Variants in PACSIN3 observed in about 807,000 individuals in gnomAD.
PACSIN3 encodes protein kinase C and casein kinase substrate in neurons protein 3.
PACSIN3 carries 34 observed loss-of-function variants against 56.1 expected under a neutral mutation model. The ratio of observed to expected loss-of-function variants is 0.61; its 90% confidence interval spans 0.46 to 0.81. PACSIN3 has a LOEUF of 0.81. Among genes scored for constraint, PACSIN3 ranks in the 30% least tolerant of loss-of-function variants. PACSIN3 has a pLI of 0.00. For missense variants in PACSIN3, 535 were observed against 592.4 expected, an observed-to-expected ratio of 0.90 and a Z score of 1.01; for synonymous variants, 218 against 229.8, an observed-to-expected ratio of 0.95 and a Z score of 0.46.
rs933798405 is a variant in PACSIN3, at chr11:47,178,146, A to C, written c.1160-100T>G. On this transcript the variant is annotated intron_variant, in intron 10 of 10. Transcript: ENST00000298838. The surrounding 1 kb of genome is among the most constrained non-coding windows in gnomAD (Gnocchi z 4.2). ...GGGGGATGGTGTGGTCCCAGAGCCC[A>C]GCTAGCAAAGACATGGCTCAGGCAG... The C allele has an allele frequency of 5.7e-6, 7 of 1,230,546 alleles. No individual in the cohort carries two copies. Among genetic ancestry groups the C allele is most frequent in the Non-Finnish European group, 8.1e-6 (7 of 865,056 alleles). The allele number at this position is 1,230,546 out of a possible 1,614,324, so 76.2% of individuals were successfully genotyped here.
rs1456451988 is a variant in PACSIN3, at chr11:47,186,038, G to A, written c.-104+311C>T. On this transcript the variant is annotated intron_variant, in intron 1 of 10. Coordinates refer to ENST00000298838, the MANE Select transcript of PACSIN3 (RefSeq NM_016223.5). This position sits in a 1 kb window ranked among gnomAD's most constrained non-coding sequence, Gnocchi z 4.5. ...GATCGCCAGGGAGCGAGGACCCTCT[G>A]GGGCCTCGGGGCGGGCGCGAGGCGA... Among the ~76,000 whole-genome samples, 1 of 152,064 alleles carries A rather than the reference G, an allele frequency of 6.6e-6. No homozygotes were observed. Among genetic ancestry groups the A allele is most frequent in the Non-Finnish European group, 1.5e-5 (1 of 67,964 alleles).
chr11:47,178,396 G>A lies in PACSIN3; in HGVS notation c.1129C>T (p.Gln377Ter). Residue 377 changes from glutamine (Q) to a stop codon, truncating the protein, a stop_gained, in exon 10 of 11, where the codon CAG (glutamine) becomes TAG (stop). Transcript: ENST00000298838. LOFTEE classifies it high-confidence loss of function. This position sits in a 1 kb window ranked among gnomAD's most constrained non-coding sequence, Gnocchi z 4.2. Reference protein sequence around the residue: ...RVRALYDYAGQEADELSFRAG... With the variant: ...RVRALYDYAG ...CGGAAGCTCAGCTCATCAGCTTCCTGGCCAGCGTAGTCATAGAGTGCCCTC... is the reference window on the plus strand; with the variant it reads ...CGGAAGCTCAGCTCATCAGCTTCCTAGCCAGCGTAGTCATAGAGTGCCCTC... 1 of 1,614,050 alleles carries A rather than the reference G, an allele frequency of 6.2e-7. No individual in the cohort carries two copies. The highest frequency in any genetic ancestry group is 8.5e-7 in the Non-Finnish European group (1 of 1,180,002).
At position 47,181,546 on chromosome 11, in the gene PACSIN3, G is replaced by A. The variant is rs184888037; in HGVS notation, c.212-856C>T. Among the ~76,000 whole-genome samples, 14 of 152,258 alleles carry A rather than the reference G, an allele frequency of 9.2e-5. No homozygotes were observed. In the Middle Eastern group the frequency reaches 0.014, roughly 148 times the overall value. On this transcript the variant is annotated intron_variant, in intron 4 of 10. Coordinates refer to ENST00000298838, the MANE Select transcript of PACSIN3 (RefSeq NM_016223.5). ...GTGGCTCATGCCTGTAATCCAGGCC[G>A]GGCACGGTGGCTCACGCCTGTAATC... is the stretch of plus-strand genomic sequence containing the variant.
At chr11:47,181,702 T>C (rs1004245000) in intron 4 of PACSIN3, among the ~76,000 whole-genome samples, 1 of 152,204 alleles carries the variant, frequency 6.6e-6, no homozygotes, top group Non-Finnish European at 1.5e-5. Flanking sequence ...TCCATGCCTG[T>C]GATCCCAGCT....
rs987602803 is a variant in PACSIN3, at chr11:47,179,925, G to A, written c.603+261C>T. On this transcript the variant is annotated intron_variant, in intron 6 of 10. Coordinates refer to ENST00000298838, the MANE Select transcript of PACSIN3 (RefSeq NM_016223.5). This position sits in a 1 kb window ranked among gnomAD's most constrained non-coding sequence, Gnocchi z 4.4. Reference sequence around the variant, plus strand: ...CAGAGCTGCAGGAAAGGACACTTCGGGCAAAGGGTACTGTGCAAGGAAAAG... The same window carrying A: ...CAGAGCTGCAGGAAAGGACACTTCGAGCAAAGGGTACTGTGCAAGGAAAAG... Among the ~76,000 whole-genome samples the A allele has an allele frequency of 1.3e-5, 2 of 152,210 alleles. No homozygotes were observed. The highest frequency in any genetic ancestry group is 2.4e-5 in the African/African-American group (1 of 41,442).
At chr11:47,182,587 A>G (rs1953048812) in intron 3 of PACSIN3, 28 bp from the exon 4 acceptor site, 5 of 1,604,864 alleles carry the variant, frequency 3.1e-6, no homozygotes, top group Non-Finnish European at 4.3e-6. Context: ...GGGTGCCATC[A>G]CCAGGGAGAA....
At position 47,182,624 on chromosome 11, in the gene PACSIN3, A is replaced by C. The variant is rs2279438; in HGVS notation, c.54+50T>G. On this transcript the variant is annotated intron_variant, in intron 3 of 10. Transcript: ENST00000298838. ...CTTCCTTTGGGGCTGGGGCTGTCAG[A>C]TGGGCTCCTCCCCTAGACAAGTAGC... 5 of 1,603,102 alleles carry C rather than the reference A, an allele frequency of 3.1e-6. No homozygotes were observed. In the Admixed American group the frequency reaches 6.8e-5, roughly 22 times the overall value.
In PACSIN3 at chr11:47,180,149, C is replaced by T. The variant is rs367903811; in HGVS notation, c.603+37G>A. On this transcript the variant is annotated intron_variant, in intron 6 of 10. Transcript: ENST00000298838. ...CAAGATTCATTCAGGAAGCCGTGCC[C>T]TGGGCGGGGGCCAGGGCTGGGACCT... is the stretch of plus-strand genomic sequence containing the variant. The T allele has an allele frequency of 3.4e-4, 537 of 1,585,586 alleles. 1 individual carries two copies. The highest frequency in any genetic ancestry group is 4.5e-4 in the Non-Finnish European group (524 of 1,168,026).
chr11:47,184,904 A>C (rs1953091152), intron 1 of PACSIN3, among the ~76,000 whole-genome samples: 2 of 151,906 alleles, frequency 1.3e-5, no homozygotes, highest in Admixed American at 1.3e-4. Flanking sequence ...CCCAGAACAG[A>C]GCAAGCTGTG....
intron 1 of PACSIN3, among the ~76,000 whole-genome samples, chr11:47,184,101 A>C (rs1953078067): frequency 6.6e-6 from 1 of 151,256 alleles, no homozygotes; most frequent in African/African-American, 2.4e-5. Context: ...ACTCAAGGAC[A>C]CAGTGGCATG....
At position 47,179,819 on chromosome 11, in the gene PACSIN3, G is replaced by C. The variant is rs1952981435; in HGVS notation, c.604-233C>G. The C allele has an allele frequency of 3.5e-6, 2 of 572,408 alleles. No homozygotes were observed. The highest frequency in any genetic ancestry group is 3.2e-5 in the Admixed American group (1 of 31,606). 35.5% of individuals were successfully genotyped at this position (572,408 alleles called of 1,614,324 possible). A position where few individuals can be genotyped will look rare whatever the true frequency, so the allele number is the denominator to read the frequency against. ...GGATTGAAATGAGGTCAACCTACAG[G>C]AAAGGATGGGAGAAATCAGAAAAGG... is the stretch of plus-strand genomic sequence containing the variant. On this transcript the variant is annotated intron_variant, in intron 6 of 10. Transcript: ENST00000298838. The surrounding 1 kb of genome is among the most constrained non-coding windows in gnomAD (Gnocchi z 4.4).
At position 47,178,133 on chromosome 11, in the gene PACSIN3, G is replaced by T; in HGVS notation, c.1160-87C>A. 2 of 1,292,302 alleles carry T rather than the reference G, an allele frequency of 1.5e-6. No homozygotes were observed. The highest frequency in any genetic ancestry group is 2.2e-6 in the Non-Finnish European group (2 of 915,324). The allele number at this position is 1,292,302 out of a possible 1,614,324, so 80.1% of individuals were successfully genotyped here. A position where few individuals can be genotyped will look rare whatever the true frequency, so the allele number is the denominator to read the frequency against. Reference sequence around the variant, plus strand: ...GGTCAAGGACTGAGGGGGATGGTGTGGTCCCAGAGCCCAGCTAGCAAAGAC... The same window carrying T: ...GGTCAAGGACTGAGGGGGATGGTGTTGTCCCAGAGCCCAGCTAGCAAAGAC... On this transcript the variant is annotated intron_variant, in intron 10 of 10. Coordinates refer to ENST00000298838, the MANE Select transcript of PACSIN3 (RefSeq NM_016223.5). The surrounding 1 kb of genome is among the most constrained non-coding windows in gnomAD (Gnocchi z 4.2).
At chr11:47,182,033 T>C (rs1002373845) in intron 4 of PACSIN3, among the ~76,000 whole-genome samples, 1 of 150,760 alleles carries the variant, frequency 6.6e-6, no homozygotes, top group African/African-American at 2.5e-5. Flanking sequence ...GTGCCTGTAA[T>C]CCCAGCTACT....
rs1300100212 is a variant in PACSIN3 at position 47,178,400 on chromosome 11, A to G, written c.1125T>C (p.Ala375=). ...GVRVRALYDY[A]GQEADELSFR... is the part of the protein sequence containing the mutation. ...AGCTCAGCTCATCAGCTTCCTGGCC[A>G]GCGTAGTCATAGAGTGCCCTCACCC... The change falls in exon 10 of 11, where the codon GCT becomes GCC. Residue 375 remains alanine, a synonymous_variant. Transcript: ENST00000298838. The surrounding 1 kb of genome is among the most constrained non-coding windows in gnomAD (Gnocchi z 4.2). 1 of 1,614,066 alleles carries G rather than the reference A, an allele frequency of 6.2e-7. No individual in the cohort carries two copies. The highest frequency in any genetic ancestry group is 8.5e-7 in the Non-Finnish European group (1 of 1,180,012).
chr11:47,179,849 C>A lies in PACSIN3; in HGVS notation c.604-263G>T. The A allele has an allele frequency of 1.8e-6, 1 of 559,904 alleles. No homozygotes were observed. The highest frequency in any genetic ancestry group is 3.2e-6 in the Non-Finnish European group (1 of 316,922). The allele number at this position is 559,904 out of a possible 1,614,324, so 34.7% of individuals were successfully genotyped here. The stretch of plus-strand genomic sequence containing the variant: ...GATGGGAGAAATCAGAAAAGGCTTC[C>A]TGGAGGAGGTGGAAACTGCAGCATC... On this transcript the variant is annotated intron_variant, in intron 6 of 10. Transcript: ENST00000298838. The surrounding 1 kb of genome is among the most constrained non-coding windows in gnomAD (Gnocchi z 4.4).
Position 47,178,873 on chromosome 11 carries a change from A to T in PACSIN3, c.1037+21T>A. 1 of 1,613,266 alleles carries T rather than the reference A, an allele frequency of 6.2e-7. No homozygotes were observed. The highest frequency in any genetic ancestry group is 1.3e-5 in the African/African-American group (1 of 75,016). On this transcript the variant is annotated intron_variant, in intron 9 of 10. Coordinates refer to ENST00000298838, the MANE Select transcript of PACSIN3 (RefSeq NM_016223.5). This position sits in a 1 kb window ranked among gnomAD's most constrained non-coding sequence, Gnocchi z 4.2. Reference sequence around the variant, plus strand: ...GGAGGCAGAGCTGTTTCTTTGCCACAGCCGCGCTCCTGGCTCTCACCCTGG... The same window carrying T: ...GGAGGCAGAGCTGTTTCTTTGCCACTGCCGCGCTCCTGGCTCTCACCCTGG...
In PACSIN3 at chr11:47,179,046, T is replaced by TTA; in HGVS notation, c.901-18_901-17dup. ...AGGACCACTCCTGTGGGGACAGTGC[T>TTA]TATAGTCAGGTGGGGCCATCTGAAC... is the stretch of plus-strand genomic sequence containing the variant. On this transcript the variant is annotated splice_polypyrimidine_tract_variant and intron_variant, in intron 8 of 10. Transcript: ENST00000298838. This position sits in a 1 kb window ranked among gnomAD's most constrained non-coding sequence, Gnocchi z 4.4. 6.2e-7 allele frequency: 1 copy of TTA among 1,614,134 alleles called. No individual in the cohort carries two copies. The highest frequency in any genetic ancestry group is 8.5e-7 in the Non-Finnish European group (1 of 1,180,014).
Position 47,178,366 on chromosome 11 carries a change from C to A in PACSIN3, c.1159G>T (p.Gly387Trp). Residue 387 changes from glycine to tryptophan, a missense_variant and splice_region_variant, in exon 10 of 11, where the codon GGG (glycine) becomes TGG (tryptophan). Coordinates refer to ENST00000298838, the MANE Select transcript of PACSIN3 (RefSeq NM_016223.5). The surrounding 1 kb of genome is among the most constrained non-coding windows in gnomAD (Gnocchi z 4.2). The part of the protein sequence containing the change: ...QEADELSFRA[G>W]EELLKMSEED... The stretch of plus-strand genomic sequence containing the variant: ...AGCTAGGAAAGGGGTCCCAGGGTAC[C>A]TGCTCGGAAGCTCAGCTCATCAGCT... 6.2e-7 allele frequency: 1 copy of A among 1,613,838 alleles called. No homozygotes were observed. The highest frequency in any genetic ancestry group is 8.5e-7 in the Non-Finnish European group (1 of 1,179,902).
Position 47,179,328 on chromosome 11 carries a change from C to G in PACSIN3, c.780-49G>C, listed in dbSNP as rs758404736. On this transcript the variant is annotated intron_variant, in intron 7 of 10. Transcript: ENST00000298838. This position sits in a 1 kb window ranked among gnomAD's most constrained non-coding sequence, Gnocchi z 4.4. ...AGTCTAGGAAGTCTAGACCCTGCAT[C>G]CCTCAGTCCCAGCCAGGGCCTCGGG... The G allele has an allele frequency of 2.5e-6, 4 of 1,613,702 alleles. No homozygotes were observed. The highest frequency in any genetic ancestry group is 3.4e-6 in the Non-Finnish European group (4 of 1,179,792).
Sources: allele counts gnomAD v4.1 joint callset (sites outside exome capture counted in the v4.1 genomes callset), GRCh38; gene constraint gnomAD v4.1.1; non-coding constraint Gnocchi (gnomAD v3.1); transcripts MANE v1.5; gene names NCBI Gene and HGNC (gene_info 2026-07-23, HGNC 2026-07-21).